The following ASPH variants were observed in gnomAD, a reference collection of about 807,000 sequenced individuals.
ASPH encodes aspartate beta-hydroxylase, also known as aspartyl/asparaginyl beta-hydroxylase.
Under a neutral mutation model 118.4 loss-of-function variants are expected in ASPH, and 100 were observed. That is an observed-to-expected ratio of 0.84 (90% CI 0.72 to 1.00). The LOEUF (loss-of-function observed/expected upper bound fraction) is 1.00, where lower values mean the gene tolerates loss of function less well. Ranked by LOEUF, ASPH falls within the 50% of genes least tolerant of loss-of-function variation. The pLI, the probability that ASPH is intolerant of heterozygous loss-of-function variation, is 0.00. For synonymous variants in ASPH, 315 were observed against 325.6 expected (o/e 0.97, Z 0.35); for missense variants, 920 against 919.5 (o/e 1.00, Z -0.01).
chr8:61,663,173 G>A (rs912252747), intron 3 of ASPH: 3 of 985,200 alleles, frequency 3.0e-6, no homozygotes, highest in African/African-American at 3.5e-5. Flanking sequence ...GACATGTTCT[G>A]CTTCTTCTTC....
intron 3 of ASPH, among the ~76,000 whole-genome samples, chr8:61,673,450 A>T (rs1462646833): frequency 6.6e-6 from 1 of 152,206 alleles, no homozygotes; most frequent in Non-Finnish European, 1.5e-5. Flanking sequence ...ATGTCAGCAC[A>T]TCCGAATAAG....
intron 3 of ASPH, among the ~76,000 whole-genome samples, chr8:61,672,837 T>TCCA (rs1401333145): frequency 6.6e-6 from 1 of 152,200 alleles, no homozygotes. Context: ...GCATTCCAAA[T>TCCA]ATGCATTGTG....
rs886103583 is a variant in ASPH at position 61,501,680 on chromosome 8, T to G, written c.*1679A>C. 1.3e-5 allele frequency: 2 copies of G among 152,220 alleles called. No individual in the cohort carries two copies. The highest frequency in any genetic ancestry group is 4.8e-5 in the African/African-American group (2 of 41,464). 9.4% of individuals were successfully genotyped at this position (152,220 alleles called of 1,614,324 possible). On this transcript the variant is annotated 3_prime_UTR_variant, in exon 25 of 25. Coordinates refer to ENST00000379454, the MANE Select transcript of ASPH (RefSeq NM_004318.4). ...TTCTCTTCTCGATTTTAGTAATTAA[T>G]TTGGATATTTTTCCTCCCATGCCTC...
intron 18 of ASPH, among the ~76,000 whole-genome samples, chr8:61,556,930 G>C (rs1488059732): frequency 6.6e-6 from 1 of 152,208 alleles, no homozygotes; most frequent in Non-Finnish European, 1.5e-5. Context: ...GGGGACACCA[G>C]GCCCTCGGGG....
chr8:61,678,047 C>T (rs1297743426), intron 3 of ASPH, among the ~76,000 whole-genome samples: 1 of 152,098 alleles, frequency 6.6e-6, no homozygotes, highest in Non-Finnish European at 1.5e-5. Context: ...AAAGGGAATG[C>T]CTTTGGCTTG....
chr8:61,679,942 T>TA lies in ASPH; in HGVS notation c.322+1025dup, dbSNP rs1334197757. Among the ~76,000 whole-genome samples, 388 of 67,502 alleles carry TA rather than the reference T, an allele frequency of 5.7e-3. 1 individual carries two copies. The highest frequency in any genetic ancestry group is 0.026 in the Middle Eastern group (4 of 152). 44.3% of individuals were successfully genotyped at this position (67,502 alleles called of 152,430 possible). A position where few individuals can be genotyped will look rare whatever the true frequency, so the allele number is the denominator to read the frequency against. On this transcript the variant is annotated intron_variant, in intron 3 of 24. Coordinates refer to ENST00000379454, the MANE Select transcript of ASPH (RefSeq NM_004318.4). ...AACACTAATTCCCAATGGGCAATAA[T>TA]AAAAAAAAAAAAAAAACAAAAAACA...
chr8:61,508,424 T>A (rs895208620), intron 24 of ASPH, among the ~76,000 whole-genome samples: 8 of 152,304 alleles, frequency 5.3e-5, no homozygotes, highest in African/African-American at 1.9e-4. Context: ...ATCTGTCAAC[T>A]TCTCAAATTA....
chr8:61,576,939 T>G, intron 15 of ASPH, 81 bp from the exon 16 acceptor site: 1 of 1,253,234 alleles, frequency 8.0e-7, no homozygotes, highest in Non-Finnish European at 1.1e-6. Flanking sequence ...ATTCAGCAAG[T>G]GGTTTTGTCA....
In ASPH at chr8:61,702,788, G is replaced by C. The variant is rs62505984; in HGVS notation, c.103+11481C>G. ...ACCACGCTGGATTCTTCCCAGAAATGTAAGGATGGTTTTAAATTAGAGCAT... is the reference window on the plus strand; with the variant it reads ...ACCACGCTGGATTCTTCCCAGAAATCTAAGGATGGTTTTAAATTAGAGCAT... On this transcript the variant is annotated intron_variant, in intron 1 of 24. Transcript: ENST00000379454. 3.1e-3 allele frequency among the ~76,000 whole-genome samples: 467 copies of C among 152,308 alleles called. 1 individual carries two copies. Among genetic ancestry groups the C allele is most frequent in the Non-Finnish European group, 5.4e-3 (368 of 68,028 alleles).
chr8:61,709,813 T>C (rs143549104), intron 1 of ASPH, among the ~76,000 whole-genome samples: 5 of 152,252 alleles, frequency 3.3e-5, no homozygotes, highest in East Asian at 1.9e-4. Context: ...ATGTTACAGA[T>C]TTCTGAGCCA....
In ASPH at chr8:61,500,654, T is replaced by C. The variant is rs1474300560; in HGVS notation, c.*2705A>G. On this transcript the variant is annotated 3_prime_UTR_variant, in exon 25 of 25. Transcript: ENST00000379454. ...TCAGACATAAAATAAACAGACATCA[T>C]ATATGATATCCTTACTTGTGCCATG... 1 of 152,210 alleles carries C rather than the reference T, an allele frequency of 6.6e-6. No individual in the cohort carries two copies. The highest frequency in any genetic ancestry group is 1.5e-5 in the Non-Finnish European group (1 of 68,042). The allele number at this position is 152,210 out of a possible 1,614,324, so 9.4% of individuals were successfully genotyped here.
chr8:61,682,310 A>T (rs776096669), intron 2 of ASPH: 7 of 933,554 alleles, frequency 7.5e-6, no homozygotes, highest in Non-Finnish European at 1.1e-5. Context: ...ACCCTTTCTG[A>T]CAAACCCATA....
intron 4 of ASPH, among the ~76,000 whole-genome samples, chr8:61,652,793 T>C (rs1488624332): frequency 2.6e-5 from 4 of 152,190 alleles, no homozygotes; most frequent in African/African-American, 9.6e-5. Context: ...TACATTGTCC[T>C]AGGATTAAAA....
chr8:61,649,519 C>A (rs1809801551), intron 5 of ASPH, among the ~76,000 whole-genome samples: 2 of 152,128 alleles, frequency 1.3e-5, no homozygotes, highest in South Asian at 4.2e-4. Flanking sequence ...TATCAACATA[C>A]AAAGAATATT....
At chr8:61,657,861 A>C (rs969731727) in intron 3 of ASPH, 4 of 152,230 alleles carry the variant, frequency 2.6e-5, no homozygotes, top group African/African-American at 9.6e-5. Flanking sequence ...CCCATTAAAA[A>C]GCTAAAAAGT....
chr8:61,555,074 A>G (rs1161962528), intron 19 of ASPH, among the ~76,000 whole-genome samples: 1 of 152,084 alleles, frequency 6.6e-6, no homozygotes, highest in African/African-American at 2.4e-5. Context: ...TGCTGAATTG[A>G]TGAGGATTTA....
intron 1 of ASPH, among the ~76,000 whole-genome samples, chr8:61,709,858 C>T (rs1351892857): frequency 6.6e-6 from 1 of 152,130 alleles, no homozygotes; most frequent in Non-Finnish European, 1.5e-5. Flanking sequence ...AGTTGATGTG[C>T]AAATGGATAC....
At chr8:61,568,221 G>A (rs1832398300) in intron 16 of ASPH, among the ~76,000 whole-genome samples, 1 of 152,192 alleles carries the variant, frequency 6.6e-6, no homozygotes. Flanking sequence ...TGAGAAGCTG[G>A]GAGAGGCAGA....
At chr8:61,628,647 T>G (rs945839892) in intron 13 of ASPH, among the ~76,000 whole-genome samples, 2 of 152,126 alleles carry the variant, frequency 1.3e-5, no homozygotes, top group Non-Finnish European at 2.9e-5. Flanking sequence ...TGAAAACAGC[T>G]AAAACTAGCA....
Sources: allele counts gnomAD v4.1 joint callset (sites outside exome capture counted in the v4.1 genomes callset), GRCh38; gene constraint gnomAD v4.1.1; transcripts MANE v1.5; gene names NCBI Gene and HGNC (gene_info 2026-07-23, HGNC 2026-07-21).